Variants in ROBO2 observed in about 807,000 individuals in gnomAD.
ROBO2 encodes the protein roundabout homolog 2.
A neutral mutation model predicts 160.8 loss-of-function variants in ROBO2; 53 were observed. The observed-to-expected ratio is 0.33, with a 90% CI of 0.26 to 0.41. The LOEUF (loss-of-function observed/expected upper bound fraction) is 0.41. ROBO2 is among the 10% of genes least tolerant of loss of function. ROBO2 has a pLI of 1.00. For synonymous variants in ROBO2, 664 were observed against 611.7 expected, an observed-to-expected ratio of 1.09 and a Z score of -1.26; for missense variants, 1,577 against 1,722.4, an observed-to-expected ratio of 0.92 and a Z score of 1.49.
chr3:77,602,363 T>C, exon 20 of ROBO2: 3 of 1,614,118 alleles, frequency 1.9e-6, no homozygotes, highest in Non-Finnish European at 2.5e-6. Flanking sequence ...ACACAGATCT[T>C]GCATTCCAAC....
chr3:77,170,079 C>T (rs978646517), intron 2 of ROBO2, among the ~76,000 whole-genome samples: 4 of 152,282 alleles, frequency 2.6e-5, no homozygotes, highest in Admixed American at 2.0e-4. Flanking sequence ...TGCCTTCCCT[C>T]CAGAGCTGAC....
At chr3:76,931,260 AT>A (rs1220181632) in intron 2 of ROBO2, among the ~76,000 whole-genome samples, 3 of 152,216 alleles carry the variant, frequency 2.0e-5, no homozygotes, top group African/African-American at 7.2e-5. Context: ...TTTCTAAAAA[AT>A]AACTTTAAGC....
At chr3:77,196,515 A>G (rs1553837225) in intron 2 of ROBO2, among the ~76,000 whole-genome samples, 1 of 150,072 alleles carries the variant, frequency 6.7e-6, no homozygotes, top group Admixed American at 6.6e-5. Context: ...TTTTTTTTCC[A>G]TTTGCAGAAC....
intron 2 of ROBO2, among the ~76,000 whole-genome samples, chr3:76,951,603 A>AT (rs1050715921): frequency 3.3e-5 from 5 of 152,068 alleles, no homozygotes; most frequent in Middle Eastern, 3.4e-3. Flanking sequence ...TTAAAGTGTT[A>AT]TTTTTTTTAA....
At chr3:76,744,188 C>T (rs903488683) in intron 2 of ROBO2, among the ~76,000 whole-genome samples, 5 of 152,118 alleles carry the variant, frequency 3.3e-5, no homozygotes, top group Admixed American at 2.6e-4. Flanking sequence ...AAATGGATGG[C>T]TTAAACAATA....
rs547353046 is a variant in ROBO2, at chr3:77,346,005, T to A, written c.389-131409T>A. On this transcript the variant is annotated intron_variant, in intron 2 of 25. Transcript: ENST00000461745. ...TTTGGCCGTCATACACTAATGTGCT[T>A]CATTATTATTGTGCTAATTTTAGTA... Among the ~76,000 whole-genome samples, 4 of 152,280 alleles carry A rather than the reference T, an allele frequency of 2.6e-5. No homozygotes were observed. In the East Asian group the frequency reaches 5.8e-4, roughly 22 times the overall value.
At chr3:76,708,554 G>A (rs190023744) in intron 2 of ROBO2, among the ~76,000 whole-genome samples, 1 of 152,152 alleles carries the variant, frequency 6.6e-6, no homozygotes, top group Admixed American at 6.6e-5. Context: ...ACAGTACACT[G>A]TCATCCAGGA....
At chr3:77,555,719 T>TA (rs2093093543) in intron 8 of ROBO2, among the ~76,000 whole-genome samples, 1 of 152,086 alleles carries the variant, frequency 6.6e-6, no homozygotes, top group East Asian at 1.9e-4. Context: ...ATCATGATCT[T>TA]ATATGAATGG....
intron 21 of ROBO2, among the ~76,000 whole-genome samples, chr3:77,616,361 T>C (rs766414787): frequency 7.0e-5 from 8 of 113,754 alleles, no homozygotes; most frequent in Non-Finnish European, 1.1e-4. Flanking sequence ...ACCTAGCTAA[T>C]GAGTTGGAAA....
At chr3:76,706,132 G>A (rs1404910367) in intron 2 of ROBO2, among the ~76,000 whole-genome samples, 1 of 152,024 alleles carries the variant, frequency 6.6e-6, no homozygotes, top group Non-Finnish European at 1.5e-5. Flanking sequence ...ATTTTAACTT[G>A]AAGTATTAAG....
chr3:76,608,567 C>T (rs1034266835), intron 2 of ROBO2, among the ~76,000 whole-genome samples: 1 of 152,144 alleles, frequency 6.6e-6, no homozygotes, highest in East Asian at 1.9e-4. Flanking sequence ...TGCAGAAGAC[C>T]TTTAACTTTG....
At chr3:76,856,046 G>T (rs1356982255) in intron 2 of ROBO2, among the ~76,000 whole-genome samples, 1 of 152,162 alleles carries the variant, frequency 6.6e-6, no homozygotes, top group African/African-American at 2.4e-5. Flanking sequence ...AGCTAGTCAG[G>T]TCTCTGTTGG....
intron 17 of ROBO2, among the ~76,000 whole-genome samples, chr3:77,594,819 C>G (rs2094260277): frequency 6.6e-6 from 1 of 152,130 alleles, no homozygotes; most frequent in African/African-American, 2.4e-5. Flanking sequence ...GATAAATTCA[C>G]AATAATGCTA....
At chr3:76,596,544 A>G (rs2108884647) in intron 2 of ROBO2, among the ~76,000 whole-genome samples, 1 of 152,224 alleles carries the variant, frequency 6.6e-6, no homozygotes, top group African/African-American at 2.4e-5. Context: ...TAGTTCCCTC[A>G]TTTGTTAAAT....
At chr3:77,047,916 G>A (rs1429754724) in intron 1 of ROBO2, among the ~76,000 whole-genome samples, 7 of 149,878 alleles carry the variant, frequency 4.7e-5, no homozygotes, top group Admixed American at 1.3e-4. Flanking sequence ...GTGTGGTGGC[G>A]GGCGCCTGTA....
chr3:77,585,878 G>T (rs775743), intron 16 of ROBO2, among the ~76,000 whole-genome samples: 87,341 of 151,926 alleles, frequency 0.57, 25,189 homozygotes, highest in Middle Eastern at 0.71. Context: ...TTCAGAACTG[G>T]AAACGGCACT....
intron 2 of ROBO2, among the ~76,000 whole-genome samples, chr3:76,252,736 A>G (rs1287858264): frequency 2.7e-5 from 4 of 147,574 alleles, no homozygotes; most frequent in African/African-American, 9.9e-5. Flanking sequence ...ATATACATAT[A>G]TATAAAACGC....
At chr3:76,987,950 T>A (rs2060474137) in intron 2 of ROBO2, among the ~76,000 whole-genome samples, 1 of 152,166 alleles carries the variant, frequency 6.6e-6, no homozygotes, top group South Asian at 2.1e-4. Context: ...ATTAAAATAA[T>A]CTATAAAGAT....
intron 2 of ROBO2, among the ~76,000 whole-genome samples, chr3:76,654,298 T>TC (rs2109934723): frequency 6.6e-6 from 1 of 152,306 alleles, no homozygotes; most frequent in East Asian, 1.9e-4. Context: ...AAAAAAGTTA[T>TC]TATTTTCTTG....
Sources: gnomAD v4.1 joint callset for allele counts (sites outside exome capture counted in the v4.1 genomes callset) on GRCh38, gnomAD v4.1.1 for gene constraint, MANE v1.5 for transcripts, NCBI Gene and HGNC (gene_info 2026-07-23, HGNC 2026-07-21) for gene names.